Variants in PSEN1 observed in about 807,000 individuals in gnomAD.
PSEN1 encodes the protein presenilin-1.
In PSEN1, 15 loss-of-function variants were observed where a neutral mutation model predicts 53.5. The observed-to-expected ratio is 0.28, with a 90% CI of 0.19 to 0.43. PSEN1 has a LOEUF of 0.43. PSEN1 is among the 20% of genes least tolerant of loss of function. The probability of loss-of-function intolerance (pLI) is 1.00; values close to 1 mark genes in which losing one functional copy is unlikely to be tolerated. For synonymous variants in PSEN1, 208 were observed against 209.8 expected (o/e 0.99, Z 0.08); for missense variants, 387 against 571.2 (o/e 0.68, Z 3.29).
intron 3 of PSEN1, among the ~76,000 whole-genome samples, chr14:73,163,793 G>A (rs1897627641): frequency 6.6e-6 from 1 of 152,130 alleles, no homozygotes; most frequent in South Asian, 2.1e-4. Context: ...GAGAGAGGAG[G>A]AACAGTTTGT....
At chr14:73,192,949 A>G in intron 7 of PSEN1, 85 bp downstream of exon 7, 1 of 1,060,986 alleles carries the variant, frequency 9.4e-7, no homozygotes, top group Non-Finnish European at 1.5e-6. Flanking sequence ...CTTGATTTAG[A>G]GAAAATGGTA....
At chr14:73,144,101 C>T (rs1897002753) in intron 1 of PSEN1, among the ~76,000 whole-genome samples, 1 of 118,510 alleles carries the variant, frequency 8.4e-6, no homozygotes, top group South Asian at 3.0e-4. Flanking sequence ...AATGCAGTGG[C>T]GTAATCTCAG....
intron 6 of PSEN1, among the ~76,000 whole-genome samples, chr14:73,188,418 C>A (rs996838694): frequency 3.9e-5 from 6 of 152,202 alleles, no homozygotes; most frequent in African/African-American, 1.2e-4. Context: ...CTCTGGGAGG[C>A]TAAGGTAGGA....
At chr14:73,178,652 G>A (rs1039238788) in intron 5 of PSEN1, among the ~76,000 whole-genome samples, 2 of 152,038 alleles carry the variant, frequency 1.3e-5, no homozygotes, top group Non-Finnish European at 2.9e-5. Flanking sequence ...AACCTATTCA[G>A]TAAAATGTTT....
At chr14:73,143,126 T>C (rs1159403301) in intron 1 of PSEN1, among the ~76,000 whole-genome samples, 2 of 152,226 alleles carry the variant, frequency 1.3e-5, no homozygotes, top group Admixed American at 6.5e-5. Context: ...TTGACCGCCA[T>C]GCAATCCTCA....
At chr14:73,150,764 CAAAAAAAAAA>C (rs35747435) in intron 3 of PSEN1, among the ~76,000 whole-genome samples, 1 of 35,924 alleles carries the variant, frequency 2.8e-5, no homozygotes, top group Non-Finnish European at 4.8e-5. Flanking sequence ...GACTCTGTCT[CAAAAAAAAAA>C]AAAAAAAAAA....
rs554041116 is a variant in PSEN1 at position 73,203,899 on chromosome 14, A to G, written c.869-2487A>G. ...TATTTTCCAGCCAGGCATGACTATA[A>G]TCCCAGGACTTTGGGAGGTAGAAGC... On this transcript the variant is annotated intron_variant, in intron 8 of 11. Transcript: ENST00000324501. Among the ~76,000 whole-genome samples, 23 of 152,354 alleles carry G rather than the reference A, an allele frequency of 1.5e-4. No individual in the cohort carries two copies. The South Asian group carries it at 4.6e-3, about 30-fold the overall frequency.
intron 3 of PSEN1, among the ~76,000 whole-genome samples, chr14:73,152,012 C>G (rs1594970310): frequency 7.6e-6 from 1 of 132,436 alleles, no homozygotes; most frequent in African/African-American, 2.9e-5. Flanking sequence ...CCCGGGTTCA[C>G]GCCATTCTCC....
intron 3 of PSEN1, among the ~76,000 whole-genome samples, chr14:73,164,769 T>C (rs546422149): frequency 6.6e-6 from 1 of 152,370 alleles, no homozygotes; most frequent in African/African-American, 2.4e-5. Context: ...TCACACACTA[T>C]GATTTCACCC....
chr14:73,180,884 T>A lies in PSEN1; in HGVS notation c.481-5969T>A, dbSNP rs372322502. Among the ~76,000 whole-genome samples the A allele has an allele frequency of 1.2e-3, 179 of 152,360 alleles. 1 individual carries two copies. Among genetic ancestry groups the A allele is most frequent in the African/African-American group, 4.2e-3 (176 of 41,586 alleles). On this transcript the variant is annotated intron_variant, in intron 5 of 11. Transcript: ENST00000324501. Reference sequence around the variant, plus strand: ...TTGACTTTGTCAAGATTAGTCTTTTTTGTCAAGTAACTAAGCCAGTGTGTA... The same window carrying A: ...TTGACTTTGTCAAGATTAGTCTTTTATGTCAAGTAACTAAGCCAGTGTGTA...
chr14:73,170,847 C>T lies in PSEN1; in HGVS notation c.138C>T (p.His46=), dbSNP rs116882898. The T allele has an allele frequency of 2.5e-5, 41 of 1,614,182 alleles. 1 individual carries two copies. The East Asian group carries it at 8.7e-4, about 34-fold the overall frequency. ...QEHNDRRSLG[H]PEPLSNGRPQ... Reference sequence around the variant, plus strand: ...ACAACGACAGACGGAGCCTTGGCCACCCTGAGCCATTATCTAATGGACGAC... The same window carrying T: ...ACAACGACAGACGGAGCCTTGGCCATCCTGAGCCATTATCTAATGGACGAC... Residue 46 remains histidine, a synonymous_variant, in exon 4 of 12, where the codon CAC becomes CAT. Coordinates refer to ENST00000324501, the MANE Select transcript of PSEN1 (RefSeq NM_000021.4).
At position 73,222,396 on chromosome 14, in the gene PSEN1, G is replaced by A. The variant is rs1021305091; in HGVS notation, c.*3107G>A. ...ATGTTTATTACTTGTTATTTACGTG[G>A]CCTCAGACAGTGTATGTATTCTCGA... On this transcript the variant is annotated 3_prime_UTR_variant, in exon 12 of 12. Coordinates refer to ENST00000324501, the MANE Select transcript of PSEN1 (RefSeq NM_000021.4). The A allele has an allele frequency of 6.6e-6, 1 of 152,162 alleles. No individual in the cohort carries two copies. The highest frequency in any genetic ancestry group is 1.5e-5 in the Non-Finnish European group (1 of 68,036). 9.4% of individuals were successfully genotyped at this position (152,162 alleles called of 1,614,324 possible).
At chr14:73,161,820 A>G (rs557878381) in intron 3 of PSEN1, among the ~76,000 whole-genome samples, 1 of 152,152 alleles carries the variant, frequency 6.6e-6, no homozygotes, top group East Asian at 1.9e-4. Flanking sequence ...TATTAGCGGA[A>G]ACTTGTTGGC....
At chr14:73,152,601 G>GT (rs992387421) in intron 3 of PSEN1, among the ~76,000 whole-genome samples, 8 of 151,620 alleles carry the variant, frequency 5.3e-5, no homozygotes, top group African/African-American at 1.9e-4. Context: ...GAGTGAGGCT[G>GT]TCTCAAAAAA....
intron 1 of PSEN1, among the ~76,000 whole-genome samples, chr14:73,142,066 CAAAAA>C (rs763426257): frequency 3.6e-5 from 3 of 83,888 alleles, no homozygotes; most frequent in Admixed American, 2.6e-4. Context: ...GACTCCGTCT[CAAAAA>C]AAAAAAAAAG....
intron 3 of PSEN1, among the ~76,000 whole-genome samples, chr14:73,165,617 G>A (rs1476605993): frequency 2.0e-5 from 3 of 151,562 alleles, no homozygotes; most frequent in African/African-American, 7.3e-5. Flanking sequence ...GCATGGTGGC[G>A]CATGCCTGTA....
chr14:73,151,878 T>TTATATATATATATATATATATATATATA (rs768963474), intron 3 of PSEN1, among the ~76,000 whole-genome samples: 2 of 56,928 alleles, frequency 3.5e-5, no homozygotes, highest in African/African-American at 1.8e-4. Context: ...CTAAAATATT[T>TTATATATATATATATATATATATATATA]TATATATATA....
chr14:73,218,963 G>A (rs1335018927), intron 11 of PSEN1, among the ~76,000 whole-genome samples, 171 bp from the exon 12 acceptor site: 1 of 152,066 alleles, frequency 6.6e-6, no homozygotes, highest in Non-Finnish European at 1.5e-5. Flanking sequence ...CAAAAGCTAG[G>A]TTTTTTTCAT....
In PSEN1 at chr14:73,212,096, T is replaced by C. The variant is rs1362128655; in HGVS notation, c.1129+154T>C. Reference sequence around the variant, plus strand: ...ATATATCAGTAATAGTGCTTTTTTTTTTTTTTTTTTTTTTTTTTTTTTTTT... The same window carrying C: ...ATATATCAGTAATAGTGCTTTTTTTCTTTTTTTTTTTTTTTTTTTTTTTTT... On this transcript the variant is annotated intron_variant, in intron 10 of 11. Coordinates refer to ENST00000324501, the MANE Select transcript of PSEN1 (RefSeq NM_000021.4). 2.5e-3 allele frequency among the ~76,000 whole-genome samples: 110 copies of C among 44,744 alleles called. 2 individuals carry two copies. The highest frequency in any genetic ancestry group is 3.9e-3 in the South Asian group (5 of 1,284). 29.4% of individuals were successfully genotyped at this position (44,744 alleles called of 152,430 possible).
Sources: gnomAD v4.1 joint callset for allele counts (sites outside exome capture counted in the v4.1 genomes callset) on GRCh38, gnomAD v4.1.1 for gene constraint, MANE v1.5 for transcripts, NCBI Gene and HGNC (gene_info 2026-07-23, HGNC 2026-07-21) for gene names.